Variants in FGF13 observed in about 807,000 individuals in gnomAD.
FGF13 encodes the protein fibroblast growth factor 13.
A neutral mutation model predicts 19.5 loss-of-function variants in FGF13; 2 were observed. That is an observed-to-expected ratio of 0.10 (90% CI 0.04 to 0.32). The LOEUF (loss-of-function observed/expected upper bound fraction) is 0.32, where lower values mean the gene tolerates loss of function less well. Among genes scored for constraint, FGF13 ranks in the 10% least tolerant of loss-of-function variants. FGF13 has a pLI of 1.00. For synonymous variants in FGF13, 72 were observed against 76.9 expected, an observed-to-expected ratio of 0.94 and a Z score of 0.33; for missense variants, 113 against 192.7, an observed-to-expected ratio of 0.59 and a Z score of 2.45.
intron 3 of FGF13, among the ~76,000 whole-genome samples, chrX:138,675,802 T>C (rs1490548635): frequency 1.8e-5 from 2 of 111,642 alleles, no homozygotes; most frequent in Non-Finnish European, 3.8e-5. Flanking sequence ...GCTTTTTTTT[T>C]CTTTAACAAA....
At chrX:139,107,553 A>G in intron 1 of FGF13, among the ~76,000 whole-genome samples, 1 of 111,473 alleles carries the variant, frequency 9.0e-6, no homozygotes. Context: ...TTCAAAATAA[A>G]TATTTATGAA....
chrX:138,949,935 T>C (rs2091801708), intron 1 of FGF13, among the ~76,000 whole-genome samples: 1 of 111,892 alleles, frequency 8.9e-6, no homozygotes, highest in South Asian at 3.8e-4. Flanking sequence ...CAGTTTTTTG[T>C]GCTTCTGTCC....
intron 1 of FGF13, among the ~76,000 whole-genome samples, chrX:138,983,822 A>C (rs1198692253): frequency 9.0e-6 from 1 of 111,359 alleles, no homozygotes; most frequent in Non-Finnish European, 1.9e-5. Context: ...CTTGGTGTAG[A>C]CGTACAATGG....
chrX:138,829,175 G>C (rs998546703), intron 3 of FGF13, among the ~76,000 whole-genome samples: 2 of 111,760 alleles, frequency 1.8e-5, no homozygotes, highest in African/African-American at 6.5e-5. Context: ...CGTTTTCTCA[G>C]CATGTGATGC....
intron 1 of FGF13, among the ~76,000 whole-genome samples, chrX:139,133,366 C>A (rs1356923088): frequency 9.9e-6 from 1 of 100,642 alleles, no homozygotes; most frequent in African/African-American, 3.7e-5. Context: ...AAAAAAAATT[C>A]TCACCAGAAG....
chrX:139,202,742 AGAG>A (rs1179752022), intron 1 of FGF13, among the ~76,000 whole-genome samples: 4 of 111,424 alleles, frequency 3.6e-5, no homozygotes, highest in Non-Finnish European at 7.5e-5. Flanking sequence ...GAGAAGGAGG[AGAG>A]GAGAACAAGG....
chrX:138,719,689 C>T (rs1185733334), intron 1 of FGF13, among the ~76,000 whole-genome samples: 1 of 112,497 alleles, frequency 8.9e-6, no homozygotes, highest in Non-Finnish European at 1.9e-5. Flanking sequence ...AAATATTATA[C>T]ACAGTGTATT....
intron 1 of FGF13, among the ~76,000 whole-genome samples, chrX:138,940,961 T>C (rs912793356): frequency 2.7e-5 from 3 of 111,755 alleles, no homozygotes; most frequent in African/African-American, 9.7e-5. Context: ...GTGAATAATG[T>C]CATTGTTTTA....
intron 1 of FGF13, among the ~76,000 whole-genome samples, chrX:138,888,814 C>T (rs2091463392): frequency 1.8e-5 from 2 of 111,696 alleles, no homozygotes; most frequent in Admixed American, 9.5e-5. Context: ...ATCATGCCTA[C>T]GTTCCAAATG....
intron 2 of FGF13, 77 bp downstream of exon 2, chrX:138,708,741 G>A (rs1019843183): frequency 2.2e-5 from 14 of 639,101 alleles, no homozygotes; most frequent in African/African-American, 1.3e-4. Context: ...TTAGGAAAGC[G>A]TATTTATTTT....
intron 1 of FGF13, among the ~76,000 whole-genome samples, chrX:139,030,509 T>G (rs764611652): frequency 2.7e-5 from 3 of 111,896 alleles, no homozygotes; most frequent in Non-Finnish European, 5.6e-5. Flanking sequence ...AACATTTTAC[T>G]ATATTACCTC....
chrX:138,879,182 CTATT>C (rs1195428132), intron 1 of FGF13, among the ~76,000 whole-genome samples: 2 of 111,415 alleles, frequency 1.8e-5, no homozygotes, highest in African/African-American at 6.5e-5. Flanking sequence ...GGAGAAATAT[CTATT>C]TAAGTCCTTT....
At chrX:138,818,921 G>A (rs998478405) in intron 3 of FGF13, among the ~76,000 whole-genome samples, 5 of 111,762 alleles carry the variant, frequency 4.5e-5, no homozygotes, top group Non-Finnish European at 9.4e-5. Context: ...GGAGGCTAGA[G>A]AATTGTATGG....
chrX:139,133,134 A>AT (rs1034779513), intron 1 of FGF13, among the ~76,000 whole-genome samples: 9 of 110,782 alleles, frequency 8.1e-5, no homozygotes, highest in African/African-American at 3.0e-4. Context: ...AAAGAGGGAC[A>AT]TATGTTCTCA....
At chrX:138,649,254 ATGTCATTACATGATGATGG>A (rs1569354077) in intron 3 of FGF13, among the ~76,000 whole-genome samples, 1 of 111,769 alleles carries the variant, frequency 8.9e-6, no homozygotes, top group Non-Finnish European at 1.9e-5. Context: ...TACATTTGGT[ATGTCATTACATGATGATGG>A]CTACTATATC....
chrX:138,962,013 G>A (rs59446765), intron 1 of FGF13, among the ~76,000 whole-genome samples: 2,430 of 111,918 alleles, frequency 0.022, 75 homozygotes, highest in African/African-American at 0.075. Flanking sequence ...TTAAACTAAA[G>A]AGCTTCTGCA....
intron 3 of FGF13, among the ~76,000 whole-genome samples, chrX:138,695,836 G>T (rs1022297650): frequency 1.8e-5 from 2 of 112,109 alleles, no homozygotes; most frequent in Non-Finnish European, 3.8e-5. Context: ...AGGCACTGGG[G>T]ATATAGTAGT....
At chrX:138,857,719 C>T in intron 2 of FGF13, 5 of 1,053,156 alleles carry the variant, frequency 4.7e-6, no homozygotes, top group Middle Eastern at 2.6e-4. Flanking sequence ...AAGTTAGAGC[C>T]TCAGAAAAGC....
chrX:138,646,985 G>C (rs946489356), intron 3 of FGF13, among the ~76,000 whole-genome samples: 1 of 110,888 alleles, frequency 9.0e-6, no homozygotes, highest in African/African-American at 3.3e-5. Context: ...ACCCTCACCC[G>C]TGAATGTTTA....
Sources: allele counts gnomAD v4.1 joint callset (sites outside exome capture counted in the v4.1 genomes callset), GRCh38; gene constraint gnomAD v4.1.1; transcripts MANE v1.5; gene names NCBI Gene and HGNC (gene_info 2026-07-23, HGNC 2026-07-21).